MCTP2: variants seen among roughly 807,000 people sequenced by gnomAD.
The protein encoded by MCTP2 is multiple C2 and transmembrane domain-containing protein 2.
In MCTP2, 132 loss-of-function variants were observed where a neutral mutation model predicts 111.6. The observed-to-expected ratio is 1.18, with a 90% CI of 1.03 to 1.37. The LOEUF (loss-of-function observed/expected upper bound fraction) is 1.37. MCTP2 is among the 40% of genes most tolerant of loss of function. The pLI is 0.00. For missense variants in MCTP2, 1,183 were observed against 1,067.9 expected, an observed-to-expected ratio of 1.11 and a Z score of -1.50; for synonymous variants, 395 against 387.7, an observed-to-expected ratio of 1.02 and a Z score of -0.22.
chr15:94,246,086 G>C (rs188145953), intron 1 of MCTP2, among the ~76,000 whole-genome samples: 2 of 152,090 alleles, frequency 1.3e-5, no homozygotes, highest in South Asian at 4.1e-4. Context: ...GGCTTGGGGA[G>C]AGGTCGTCAC....
chr15:94,384,035 A>G lies in MCTP2; in HGVS notation c.1596A>G (p.Pro532=). 1 of 1,613,422 alleles carries G rather than the reference A, an allele frequency of 6.2e-7. No individual in the cohort carries two copies. The highest frequency in any genetic ancestry group is 2.2e-5 in the East Asian group (1 of 44,800). ...TTATCTTTCCAGGGAAGAGTGACCC[A>G]TTTTGCTTGTTGGAGTTAGGCAATG... The part of the protein sequence containing the change: ...LAADFSGKSD[P]FCLLELGNDR... The change falls in exon 13 of 23, where the codon CCA becomes CCG. Residue 532 remains proline (P), a synonymous_variant. Transcript: ENST00000357742.
intron 20 of MCTP2, among the ~76,000 whole-genome samples, chr15:94,462,132 A>G (rs1241607011): frequency 6.6e-6 from 1 of 152,192 alleles, no homozygotes; most frequent in East Asian, 1.9e-4. Context: ...AAATAATCCC[A>G]TTGACACAAG....
chr15:94,375,968 TCGA>T (rs2079750309), intron 12 of MCTP2, among the ~76,000 whole-genome samples: 1 of 152,154 alleles, frequency 6.6e-6, no homozygotes, highest in African/African-American at 2.4e-5. Flanking sequence ...GTTCTGGTAA[TCGA>T]CCACAGATAT....
At chr15:94,454,881 C>T (rs528017395) in intron 19 of MCTP2, among the ~76,000 whole-genome samples, 20 of 152,188 alleles carry the variant, frequency 1.3e-4, no homozygotes, top group African/African-American at 2.4e-4. Context: ...AGTACAGTGC[C>T]GTGATCTTGC....
intron 17 of MCTP2, among the ~76,000 whole-genome samples, chr15:94,409,823 C>T (rs941275688): frequency 1.3e-5 from 2 of 151,672 alleles, no homozygotes; most frequent in Non-Finnish European, 2.9e-5. Context: ...ACTGAGCACT[C>T]GTAAGTCTAT....
intron 20 of MCTP2, among the ~76,000 whole-genome samples, chr15:94,464,958 TTAAATTTGCTCATTA>T (rs1203809859): frequency 6.6e-6 from 1 of 150,426 alleles, no homozygotes; most frequent in Non-Finnish European, 1.5e-5. Flanking sequence ...ATTCATTAGA[TTAAATTTGCTCATTA>T]TATTCAAGCC....
At chr15:94,379,425 G>A (rs1033758854) in intron 12 of MCTP2, among the ~76,000 whole-genome samples, 34 of 152,024 alleles carry the variant, frequency 2.2e-4, no homozygotes, top group African/African-American at 8.0e-4. Flanking sequence ...ATCTGGAATG[G>A]CTCTGCTGTC....
chr15:94,417,258 T>C (rs1300943952), intron 17 of MCTP2, among the ~76,000 whole-genome samples: 1 of 152,168 alleles, frequency 6.6e-6, no homozygotes, highest in African/African-American at 2.4e-5. Flanking sequence ...GATCCTAACA[T>C]AGCTAAGAAA....
chr15:94,477,765 C>T (rs2074485586), intron 22 of MCTP2, among the ~76,000 whole-genome samples: 1 of 152,140 alleles, frequency 6.6e-6, no homozygotes, highest in South Asian at 2.1e-4. Context: ...TTAAAATGGA[C>T]TCTGTGATGC....
At chr15:94,409,236 C>T (rs1188275562) in intron 17 of MCTP2, among the ~76,000 whole-genome samples, 2 of 152,136 alleles carry the variant, frequency 1.3e-5, no homozygotes, top group African/African-American at 4.8e-5. Flanking sequence ...TCCCAGCCTA[C>T]ATCTTTCTCC....
chr15:94,432,128 G>A (rs2083220806), intron 17 of MCTP2, among the ~76,000 whole-genome samples: 1 of 152,154 alleles, frequency 6.6e-6, no homozygotes, highest in South Asian at 2.1e-4. Context: ...TGGACTTCCT[G>A]AGATGTTGTT....
intron 17 of MCTP2, among the ~76,000 whole-genome samples, chr15:94,411,269 G>T (rs1470805404): frequency 6.6e-6 from 1 of 151,378 alleles, no homozygotes; most frequent in African/African-American, 2.4e-5. Context: ...TAGATATCTG[G>T]CTAATTTGAT....
At chr15:94,262,333 T>C (rs2073234170) in intron 1 of MCTP2, among the ~76,000 whole-genome samples, 1 of 152,244 alleles carries the variant, frequency 6.6e-6, no homozygotes, top group South Asian at 2.1e-4. Context: ...GTGTTTTTCA[T>C]AGTCCATCTT....
intron 14 of MCTP2, among the ~76,000 whole-genome samples, chr15:94,398,526 T>A (rs2081392328): frequency 6.6e-6 from 1 of 152,208 alleles, no homozygotes; most frequent in African/African-American, 2.4e-5. Context: ...TTTTTTCTGT[T>A]CAAGGACCCA....
chr15:94,426,358 A>G lies in MCTP2; in HGVS notation c.2086-13818A>G, dbSNP rs559035242. On this transcript the variant is annotated intron_variant, in intron 17 of 22. Coordinates refer to ENST00000357742, the MANE Select transcript of MCTP2 (RefSeq NM_001385001.1). ...AAGTAAACCTTTCTCAGTGTGCCATACTTCTTATTATTCTATTTCTAGTTT... is the reference window on the plus strand; with the variant it reads ...AAGTAAACCTTTCTCAGTGTGCCATGCTTCTTATTATTCTATTTCTAGTTT... 2.6e-5 allele frequency among the ~76,000 whole-genome samples: 4 copies of G among 152,084 alleles called. No individual in the cohort carries two copies. The East Asian group carries it at 7.7e-4, about 29-fold the overall frequency.
At chr15:94,376,670 C>A (rs1209633751) in intron 12 of MCTP2, among the ~76,000 whole-genome samples, 3 of 152,090 alleles carry the variant, frequency 2.0e-5, no homozygotes, top group Non-Finnish European at 4.4e-5. Flanking sequence ...TATAATTTCC[C>A]TAATTTTAGA....
intron 21 of MCTP2, among the ~76,000 whole-genome samples, chr15:94,472,135 TGG>T: frequency 6.6e-6 from 1 of 152,318 alleles, no homozygotes; most frequent in Non-Finnish European, 1.5e-5. Context: ...CCCAGCACTT[TGG>T]GAGGCCGAGG....
chr15:94,331,513 G>T (rs536853024), intron 4 of MCTP2, among the ~76,000 whole-genome samples: 45 of 152,262 alleles, frequency 3.0e-4, no homozygotes, highest in African/African-American at 1.1e-3. Context: ...GGGCTGTGGT[G>T]CAGGGAAGAA....
intron 2 of MCTP2, among the ~76,000 whole-genome samples, chr15:94,305,661 T>C (rs1359572099): frequency 6.6e-6 from 1 of 152,194 alleles, no homozygotes; most frequent in Non-Finnish European, 1.5e-5. Flanking sequence ...ATGATATGCA[T>C]GTATATTGAT....
Sources: allele counts gnomAD v4.1 joint callset (sites outside exome capture counted in the v4.1 genomes callset), GRCh38; gene constraint gnomAD v4.1.1; transcripts MANE v1.5; gene names NCBI Gene and HGNC (gene_info 2026-07-23, HGNC 2026-07-21).